PLSCR2: variants seen among roughly 807,000 people sequenced by gnomAD.
PLSCR2 encodes the protein PL scramblase 2.
PLSCR2 carries 18 observed loss-of-function variants against 25.3 expected under a neutral mutation model. The observed-to-expected ratio is 0.71, with a 90% CI of 0.49 to 1.06. PLSCR2 has a LOEUF of 1.06. PLSCR2 is among the 50% of genes least tolerant of loss of function. The probability of loss-of-function intolerance (pLI) is 0.00; values close to 1 mark genes in which losing one functional copy is unlikely to be tolerated. For synonymous variants in PLSCR2, 88 were observed against 87.3 expected, an observed-to-expected ratio of 1.01 and a Z score of -0.04; for missense variants, 243 against 269.5, an observed-to-expected ratio of 0.90 and a Z score of 0.69.
intron 2 of PLSCR2, among the ~76,000 whole-genome samples, chr3:146,409,359 T>C (rs1405790284): frequency 6.6e-6 from 1 of 151,936 alleles, no homozygotes; most frequent in African/African-American, 2.4e-5. Context: ...ACTCTTCTCG[T>C]CTTCAGAGGG....
chr3:146,413,004 G>A (rs2038905746), intron 2 of PLSCR2, among the ~76,000 whole-genome samples: 1 of 152,184 alleles, frequency 6.6e-6, no homozygotes, highest in Non-Finnish European at 1.5e-5. Context: ...GAACCAGGAA[G>A]TTAAACTTTA....
At chr3:146,454,287 T>C in intron 4 of PLSCR2, 124 bp from the exon 5 acceptor site, 1 of 585,774 alleles carries the variant, frequency 1.7e-6, no homozygotes, top group South Asian at 2.8e-5. Context: ...CTAGGACTTT[T>C]TTTTTAAAGA....
At chr3:146,458,309 T>C (rs2041339260) in intron 3 of PLSCR2, 102 bp downstream of exon 3, 1 of 995,980 alleles carries the variant, frequency 1.0e-6, no homozygotes, top group Non-Finnish European at 1.4e-6. Context: ...AGTTTTACCA[T>C]CCCACATCAC....
At chr3:146,412,892 G>A (rs1392296431) in intron 2 of PLSCR2, among the ~76,000 whole-genome samples, 4 of 152,178 alleles carry the variant, frequency 2.6e-5, no homozygotes, top group Non-Finnish European at 4.4e-5. Flanking sequence ...GGTGACTCAG[G>A]ATGATTCAGG....
At chr3:146,492,876 A>G (rs370131153) in intron 1 of PLSCR2, among the ~76,000 whole-genome samples, 12 of 152,002 alleles carry the variant, frequency 7.9e-5, no homozygotes, top group Admixed American at 5.2e-4. Flanking sequence ...GTTTTTTAAA[A>G]GAAAAATCAA....
intron 1 of PLSCR2, among the ~76,000 whole-genome samples, chr3:146,483,698 G>A (rs2043241510): frequency 6.6e-6 from 1 of 150,816 alleles, no homozygotes; most frequent in African/African-American, 2.4e-5. Context: ...GAGAAGAGGG[G>A]CCTGACTGTT....
chr3:146,438,803 T>G (rs529298609), downstream of PLSCR2, among the ~76,000 whole-genome samples: 5 of 152,310 alleles, frequency 3.3e-5, no homozygotes, highest in Non-Finnish European at 5.9e-5. Context: ...ATGTGTGAAT[T>G]TGAACCTGTC....
At chr3:146,439,374 C>T (rs1559998165), downstream of PLSCR2, among the ~76,000 whole-genome samples, 2 of 152,164 alleles carry the variant, frequency 1.3e-5, no homozygotes, top group African/African-American at 2.4e-5. Context: ...GTGTGTTTTC[C>T]AACTTGGTTC....
At chr3:146,466,530 G>A (rs948223351) in intron 1 of PLSCR2, among the ~76,000 whole-genome samples, 10 of 152,132 alleles carry the variant, frequency 6.6e-5, no homozygotes, top group African/African-American at 2.4e-4. Flanking sequence ...AGACCCAACT[G>A]AAATTGTAGT....
At chr3:146,432,981 T>C (rs181243325), downstream of PLSCR2, among the ~76,000 whole-genome samples, 5 of 152,316 alleles carry the variant, frequency 3.3e-5, no homozygotes, top group East Asian at 9.6e-4. Flanking sequence ...TTTCTCCTTC[T>C]GGAATTCTTA....
At chr3:146,454,427 C>T (rs1252750396) in intron 4 of PLSCR2, among the ~76,000 whole-genome samples, 1 of 152,074 alleles carries the variant, frequency 6.6e-6, no homozygotes, top group Non-Finnish European at 1.5e-5. Context: ...GAAAACAAAG[C>T]AATTCATTAT....
exon 4 of PLSCR2, chr3:146,455,336 A>G: frequency 1.2e-6 from 2 of 1,613,840 alleles, no homozygotes; most frequent in Non-Finnish European, 1.7e-6. Context: ...CCTCAAGGTA[A>G]AAGGTCTAGA....
chr3:146,407,609 T>C (rs1040541616), intron 2 of PLSCR2, among the ~76,000 whole-genome samples: 2 of 152,178 alleles, frequency 1.3e-5, no homozygotes, highest in Non-Finnish European at 2.9e-5. Flanking sequence ...TTGATTGCCT[T>C]TCTTGCTGAG....
At chr3:146,419,257 C>A (rs1267433816) in intron 2 of PLSCR2, among the ~76,000 whole-genome samples, 1 of 152,046 alleles carries the variant, frequency 6.6e-6, no homozygotes, top group Non-Finnish European at 1.5e-5. Flanking sequence ...GCTAAGCATT[C>A]TATCATTATA....
intron 2 of PLSCR2, among the ~76,000 whole-genome samples, chr3:146,423,282 T>TCTCTCC (rs758576585): frequency 0.058 from 5,815 of 100,748 alleles, 1,025 homozygotes; most frequent in South Asian, 0.081. Flanking sequence ...TCTCTCTCTC[T>TCTCTCC]CCCTGGCTAG....
At chr3:146,428,784 A>G (rs904063048), downstream of PLSCR2, among the ~76,000 whole-genome samples, 1 of 152,218 alleles carries the variant, frequency 6.6e-6, no homozygotes, top group Non-Finnish European at 1.5e-5. Flanking sequence ...TCTTGCATAA[A>G]GACTTATTTT....
rs182639750 is a variant in PLSCR2 at position 146,403,978 on chromosome 3, A to G, written c.101-8057T>C. 1.7e-4 allele frequency among the ~76,000 whole-genome samples: 26 copies of G among 151,604 alleles called. 1 individual carries two copies. The highest frequency in any genetic ancestry group is 7.2e-4 in the Admixed American group (11 of 15,234). Reference sequence around the variant, plus strand: ...CCACCTTGACTCATTCCGATTACCTACTCCACCCTGACTCATTTCATAACC... The same window carrying G: ...CCACCTTGACTCATTCCGATTACCTGCTCCACCCTGACTCATTTCATAACC... On this transcript the variant is annotated intron_variant and NMD_transcript_variant, in intron 2 of 3. Coordinates refer to the PLSCR2 transcript ENST00000463633.
chr3:146,469,297 G>A, intron 1 of PLSCR2, 198 bp downstream of exon 1: 1 of 985,658 alleles, frequency 1.0e-6, no homozygotes, highest in Non-Finnish European at 1.2e-6. Context: ...GAACGGTTCT[G>A]GTGTGAGCCA....
downstream of PLSCR2, among the ~76,000 whole-genome samples, chr3:146,429,048 G>C (rs2108112922): frequency 6.6e-6 from 1 of 152,292 alleles, no homozygotes; most frequent in Admixed American, 6.5e-5. Flanking sequence ...TTATGAGGTA[G>C]TGTATTAATC....
Sources: allele counts gnomAD v4.1 joint callset (sites outside exome capture counted in the v4.1 genomes callset), GRCh38; gene constraint gnomAD v4.1.1; transcripts MANE v1.5; gene names NCBI Gene and HGNC (gene_info 2026-07-23, HGNC 2026-07-21).